EFCAB6: variants seen among roughly 807,000 people sequenced by gnomAD.
EFCAB6 encodes the protein EF-hand calcium binding domain 6.
In EFCAB6, 156 loss-of-function variants were observed where a neutral mutation model predicts 169.8. The observed-to-expected ratio is 0.92, with a 90% CI of 0.81 to 1.05. The LOEUF (loss-of-function observed/expected upper bound fraction) is 1.05, where lower values mean the gene tolerates loss of function less well. Ranked by LOEUF, EFCAB6 falls within the 50% of genes least tolerant of loss-of-function variation. The pLI is 0.00. For missense variants in EFCAB6, 1,800 were observed against 1,829.1 expected (o/e 0.98, Z 0.29); for synonymous variants, 698 against 676.4 (o/e 1.03, Z -0.50).
intron 22 of EFCAB6, among the ~76,000 whole-genome samples, chr22:43,604,596 T>C (rs1403489380): frequency 6.6e-6 from 1 of 152,222 alleles, no homozygotes; most frequent in African/African-American, 2.4e-5. Flanking sequence ...TGAGGCTCCC[T>C]GTCCAGAGGT....
At chr22:43,608,676 A>G in intron 21 of EFCAB6, 76 bp from the exon 22 acceptor site, 1 of 1,394,172 alleles carries the variant, frequency 7.2e-7, no homozygotes, top group Non-Finnish European at 1.0e-6. Flanking sequence ...CAATTAGTCA[A>G]TATGTGGGAA....
intron 22 of EFCAB6, among the ~76,000 whole-genome samples, chr22:43,602,429 C>G (rs1194872100): frequency 6.6e-6 from 1 of 152,204 alleles, no homozygotes; most frequent in Non-Finnish European, 1.5e-5. Context: ...GCAAGGGCTT[C>G]CCTGTTGCTG....
intron 5 of EFCAB6, among the ~76,000 whole-genome samples, chr22:43,762,099 G>A (rs78520054): frequency 0.019 from 2,885 of 152,240 alleles, 94 homozygotes; most frequent in African/African-American, 0.066. Context: ...TTCCTTGCCC[G>A]AAACTTTTCA....
chr22:43,616,705 C>T (rs2053712209), intron 20 of EFCAB6, among the ~76,000 whole-genome samples: 1 of 152,162 alleles, frequency 6.6e-6, no homozygotes, highest in African/African-American at 2.4e-5. Flanking sequence ...CATATTTACT[C>T]ACAGGATGGA....
intron 8 of EFCAB6, among the ~76,000 whole-genome samples, chr22:43,725,221 A>AC (rs1014210193): frequency 6.8e-6 from 1 of 146,646 alleles, no homozygotes; most frequent in African/African-American, 2.5e-5. Flanking sequence ...GCTCATTGTA[A>AC]CCCCCCGCCT....
intron 26 of EFCAB6, among the ~76,000 whole-genome samples, chr22:43,567,454 T>G (rs7289572): frequency 6.6e-6 from 1 of 152,106 alleles, no homozygotes; most frequent in Non-Finnish European, 1.5e-5. Flanking sequence ...CTCACCGAAA[T>G]AGGATAGAAT....
Position 43,580,550 on chromosome 22 carries a change from G to A in EFCAB6, c.3142C>T (p.Pro1048Ser). The A allele has an allele frequency of 6.2e-7, 1 of 1,614,098 alleles. No individual in the cohort carries two copies. Among genetic ancestry groups the A allele is most frequent in the Non-Finnish European group, 8.5e-7 (1 of 1,180,006 alleles). ...AQPKEKEESM[P>S]INFATLNPQE... ...GGATTCAGCGTTGCAAAATTGATTGGCATGCTCTCTTCTTTTTCCTTGGGC... is the reference window on the plus strand; with the variant it reads ...GGATTCAGCGTTGCAAAATTGATTGACATGCTCTCTTCTTTTTCCTTGGGC... The change falls in exon 25 of 32, where the codon CCA becomes TCA. Residue 1048 changes from proline to serine, a missense_variant. Pro to Ser is a moderately conservative substitution (Grantham distance 74). Coordinates refer to ENST00000262726, the MANE Select transcript of EFCAB6 (RefSeq NM_022785.4).
In EFCAB6 at chr22:43,617,822, G is replaced by A. The variant is rs185168317; in HGVS notation, c.2466-1900C>T. ...AACACACAAGAAAAACAAGTGACTC[G>A]GCTGGGTGCAGTGGCTCACGCCTGT... is the stretch of plus-strand genomic sequence containing the variant. On this transcript the variant is annotated intron_variant, in intron 20 of 31. Transcript: ENST00000262726. Among the ~76,000 whole-genome samples, 9 of 152,194 alleles carry A rather than the reference G, an allele frequency of 5.9e-5. No homozygotes were observed. In the Middle Eastern group the frequency reaches 0.01, roughly 174 times the overall value.
intron 6 of EFCAB6, among the ~76,000 whole-genome samples, chr22:43,746,547 A>G (rs1387644888): frequency 6.6e-6 from 1 of 152,160 alleles, no homozygotes; most frequent in African/African-American, 2.4e-5. Flanking sequence ...TTCTTTTAAG[A>G]AACTCTAGCT....
rs1012453517 is a variant in EFCAB6 at position 43,554,952 on chromosome 22, C to T, written c.3565G>A (p.Asp1189Asn). 1 of 1,614,128 alleles carries T rather than the reference C, an allele frequency of 6.2e-7. No individual in the cohort carries two copies. The highest frequency in any genetic ancestry group is 1.7e-5 in the Admixed American group (1 of 60,028). Reference sequence around the variant, plus strand: ...GAGATGGTGTTCGTTTTCATGGTGTCAAAATTCTCAAACTCCTGGGTGATG... The same window carrying T: ...GAGATGGTGTTCGTTTTCATGGTGTTAAAATTCTCAAACTCCTGGGTGATG... ...HAITQEFENF[D>N]TMKTNTISRE... The change falls in exon 27 of 32, where the codon GAC (aspartate) becomes AAC (asparagine). Residue 1189 changes from aspartate to asparagine, a missense_variant. Physicochemically the swap from Asp to Asn is conservative, Grantham distance 23. Coordinates refer to ENST00000262726, the MANE Select transcript of EFCAB6 (RefSeq NM_022785.4).
chr22:43,612,938 T>C (rs1204218933), intron 21 of EFCAB6, among the ~76,000 whole-genome samples: 1 of 147,376 alleles, frequency 6.8e-6, no homozygotes, highest in Non-Finnish European at 1.5e-5. Flanking sequence ...TGCTGTAAAG[T>C]TGCAGAGAAA....
intron 29 of EFCAB6, chr22:43,535,934 C>G (rs1485417280): frequency 1.3e-5 from 2 of 152,262 alleles, no homozygotes; most frequent in East Asian, 3.8e-4. Context: ...CCCCAAGGAA[C>G]TGGCCCATAC....
chr22:43,652,962 G>A (rs191231296), intron 17 of EFCAB6, among the ~76,000 whole-genome samples: 35 of 152,148 alleles, frequency 2.3e-4, no homozygotes, highest in Admixed American at 1.5e-3. Context: ...TTAAGAACTC[G>A]GTGAGTACAA....
chr22:43,684,202 C>A (rs777663593), intron 11 of EFCAB6, among the ~76,000 whole-genome samples: 5 of 152,200 alleles, frequency 3.3e-5, no homozygotes, highest in African/African-American at 4.8e-5. Flanking sequence ...GGAGCCCCCC[C>A]TCCTGTGTGT....
intron 27 of EFCAB6, among the ~76,000 whole-genome samples, chr22:43,547,576 C>CA (rs2048132531): frequency 6.6e-6 from 1 of 151,414 alleles, no homozygotes; most frequent in South Asian, 2.1e-4. Flanking sequence ...TCAGTCTCTA[C>CA]AAAAAACCAA....
intron 26 of EFCAB6, among the ~76,000 whole-genome samples, chr22:43,573,693 T>C (rs2050040752): frequency 1.4e-5 from 2 of 141,624 alleles, no homozygotes; most frequent in South Asian, 4.4e-4. Context: ...ATTGTGCCAT[T>C]GCACTCCAGC....
chr22:43,548,161 CAG>C (rs1784962144), intron 27 of EFCAB6, among the ~76,000 whole-genome samples: 2 of 152,052 alleles, frequency 1.3e-5, no homozygotes, highest in Admixed American at 1.3e-4. Context: ...CTTTTGATGA[CAG>C]AAATAAATTC....
intron 17 of EFCAB6, among the ~76,000 whole-genome samples, chr22:43,664,163 T>C (rs543161195): frequency 1.1e-4 from 16 of 152,150 alleles, no homozygotes; most frequent in Non-Finnish European, 1.9e-4. Flanking sequence ...GAGTAATTCA[T>C]GGGGCAGAGA....
chr22:43,581,761 TTTCCAACCCACAGCTGCAGAGCCGCC>T (rs2050742538), intron 24 of EFCAB6, among the ~76,000 whole-genome samples: 1 of 152,206 alleles, frequency 6.6e-6, no homozygotes, highest in Admixed American at 6.5e-5. Flanking sequence ...GAGCTGAGCT[TTTCCAACCCACAGCTGCAGAGCCGCC>T]TTGCACAGGC....
Sources: gnomAD v4.1 joint callset for allele counts (sites outside exome capture counted in the v4.1 genomes callset) on GRCh38, gnomAD v4.1.1 for gene constraint, MANE v1.5 for transcripts, NCBI Gene and HGNC (gene_info 2026-07-23, HGNC 2026-07-21) for gene names.